The following PPFIA1 variants were observed in gnomAD, a reference collection of about 807,000 sequenced individuals.
PPFIA1 encodes liprin-alpha-1.
PPFIA1 carries 25 observed loss-of-function variants against 149.9 expected under a neutral mutation model. That is an observed-to-expected ratio of 0.17 (90% confidence interval 0.12 to 0.23). The LOEUF (loss-of-function observed/expected upper bound fraction) is 0.23. PPFIA1 is among the 10% of genes least tolerant of loss of function. PPFIA1 has a pLI of 1.00. For missense variants in PPFIA1, 1,362 were observed against 1,506.5 expected, an observed-to-expected ratio of 0.90 and a Z score of 1.59; for synonymous variants, 549 against 552.8, an observed-to-expected ratio of 0.99 and a Z score of 0.10.
intron 2 of PPFIA1, among the ~76,000 whole-genome samples, chr11:70,293,179 T>C (rs2051651231): frequency 6.6e-6 from 1 of 152,278 alleles, no homozygotes; most frequent in African/African-American, 2.4e-5. Flanking sequence ...AACGGTTACC[T>C]ACCTGTTCTT....
At chr11:70,300,142 A>G (rs1354124936) in intron 2 of PPFIA1, among the ~76,000 whole-genome samples, 1 of 128,462 alleles carries the variant, frequency 7.8e-6, no homozygotes, top group Non-Finnish European at 1.6e-5. Context: ...CATCACTGCC[A>G]GCCATGCCCT....
intron 2 of PPFIA1, chr11:70,279,050 G>A: frequency 1.9e-6 from 1 of 521,882 alleles, no homozygotes; most frequent in Non-Finnish European, 3.6e-6. Context: ...AGTAATGAGG[G>A]GTAGTATGCT....
intron 7 of PPFIA1, 29 bp from the exon 8 acceptor site, chr11:70,330,144 T>A (rs1565403067): frequency 6.5e-7 from 1 of 1,547,160 alleles, no homozygotes; most frequent in Non-Finnish European, 8.7e-7. Flanking sequence ...TTACCTACTT[T>A]TTTGTCCCCT....
intron 2 of PPFIA1, among the ~76,000 whole-genome samples, chr11:70,301,282 C>G (rs1473365193): frequency 6.6e-6 from 1 of 152,204 alleles, no homozygotes; most frequent in Non-Finnish European, 1.5e-5. Flanking sequence ...AGGCATGTCT[C>G]TGCAAACCAC....
rs188891741 is a variant in PPFIA1 at position 70,360,150 on chromosome 11, C to T, written c.2583-1945C>T. On this transcript the variant is annotated intron_variant, in intron 19 of 27. Coordinates refer to ENST00000253925, the MANE Select transcript of PPFIA1 (RefSeq NM_003626.5). The stretch of plus-strand genomic sequence containing the variant: ...AACTTCCTGTGACTCTTAGACACAT[C>T]CGTCTACCTCCACTGTCTTAACACT... 9.7e-4 allele frequency among the ~76,000 whole-genome samples: 148 copies of T among 152,380 alleles called. 1 individual carries two copies. The highest frequency in any genetic ancestry group is 3.5e-3 in the African/African-American group (146 of 41,600).
chr11:70,315,440 G>A (rs1360959979), intron 2 of PPFIA1, among the ~76,000 whole-genome samples: 3 of 151,984 alleles, frequency 2.0e-5, no homozygotes, highest in Admixed American at 1.3e-4. Flanking sequence ...ACTTTTAATC[G>A]TGGCACCAGG....
At position 70,373,173 on chromosome 11, in the gene PPFIA1, T is replaced by C. The variant is rs574870253; in HGVS notation, c.3139+599T>C. 7.2e-5 allele frequency among the ~76,000 whole-genome samples: 11 copies of C among 152,304 alleles called. No homozygotes were observed. The South Asian group carries it at 8.3e-4, about 11-fold the overall frequency. On this transcript the variant is annotated intron_variant, in intron 23 of 27. Coordinates refer to ENST00000253925, the MANE Select transcript of PPFIA1 (RefSeq NM_003626.5). Reference sequence around the variant, plus strand: ...GACGTGGAGTTGGTTCTCTTCTCCGTTGGGGAGTCCCTCACTCGTACTCAA... The same window carrying C: ...GACGTGGAGTTGGTTCTCTTCTCCGCTGGGGAGTCCCTCACTCGTACTCAA...
chr11:70,329,684 C>T (rs1423895857), intron 7 of PPFIA1, among the ~76,000 whole-genome samples: 1 of 152,108 alleles, frequency 6.6e-6, no homozygotes, highest in Non-Finnish European at 1.5e-5. Context: ...CTTTGGGAGG[C>T]CAAAGGAAGG....
At chr11:70,322,584 T>C (rs535179110) in intron 2 of PPFIA1, among the ~76,000 whole-genome samples, 42 of 152,318 alleles carry the variant, frequency 2.8e-4, no homozygotes, top group Middle Eastern at 3.4e-3. Flanking sequence ...TGATCTTCAT[T>C]AGTATTGTTG....
intron 2 of PPFIA1, among the ~76,000 whole-genome samples, chr11:70,277,642 C>T (rs2050492673): frequency 6.6e-6 from 1 of 152,128 alleles, no homozygotes; most frequent in African/African-American, 2.4e-5. Context: ...AGGCATATGC[C>T]ACCACATCCG....
chr11:70,351,100 T>C (rs1352002664), intron 16 of PPFIA1: 1 of 751,380 alleles, frequency 1.3e-6, no homozygotes, highest in Non-Finnish European at 1.8e-6. Context: ...TTTCCATAAA[T>C]GTAGCATTAT....
rs376726561 is a variant in PPFIA1, at chr11:70,331,111, A to G, written c.1077+792A>G. Among the ~76,000 whole-genome samples, 416 of 151,696 alleles carry G rather than the reference A, an allele frequency of 2.7e-3. 3 individuals carry two copies. The highest frequency in any genetic ancestry group is 9.5e-3 in the African/African-American group (394 of 41,322). On this transcript the variant is annotated intron_variant, in intron 8 of 27. Transcript: ENST00000253925. ...GCTGGGCTTGGTGGCGCGCATCTGT[A>G]ATCCCAGCTGCTACTCAGGAGGCTG...
At chr11:70,343,943 A>T in intron 15 of PPFIA1, 51 bp downstream of exon 15, 1 of 1,492,966 alleles carries the variant, frequency 6.7e-7, no homozygotes, top group Non-Finnish European at 9.2e-7. Context: ...GTCTCTGAGG[A>T]ATCTCATCTT....
chr11:70,331,833 C>T (rs2054686022), intron 8 of PPFIA1, 127 bp from the exon 9 acceptor site: 2 of 1,043,040 alleles, frequency 1.9e-6, no homozygotes, highest in African/African-American at 1.7e-5. Context: ...AGAAGCAACT[C>T]CCATCACTGT....
rs2054298999 is a variant in PPFIA1, at chr11:70,326,564, G to A, written c.709-33G>A. 2.0e-6 allele frequency: 3 copies of A among 1,522,224 alleles called. No individual in the cohort carries two copies. The South Asian group carries it at 3.5e-5, about 18-fold the overall frequency. The allele number at this position is 1,522,224 out of a possible 1,614,324, so 94.3% of individuals were successfully genotyped here. ...TTTTATTTTATAGCTCACCAAACAAGGGTATTTAAGGATTTTTTTTTCCCC... is the reference window on the plus strand; with the variant it reads ...TTTTATTTTATAGCTCACCAAACAAAGGTATTTAAGGATTTTTTTTTCCCC... On this transcript the variant is annotated intron_variant, in intron 6 of 27. Transcript: ENST00000253925.
chr11:70,292,636 G>C (rs1382906074), intron 2 of PPFIA1, among the ~76,000 whole-genome samples: 1 of 152,206 alleles, frequency 6.6e-6, no homozygotes, highest in East Asian at 1.9e-4. Flanking sequence ...AGATCATAGT[G>C]AATGTTTATT....
intron 2 of PPFIA1, among the ~76,000 whole-genome samples, chr11:70,322,106 C>T (rs749510143): frequency 3.3e-5 from 5 of 152,270 alleles, no homozygotes; most frequent in Admixed American, 1.3e-4. Context: ...CTCGAACTCC[C>T]GACCTCAGGT....
chr11:70,377,691 A>T (rs2057542889), intron 25 of PPFIA1, among the ~76,000 whole-genome samples: 1 of 152,206 alleles, frequency 6.6e-6, no homozygotes, highest in African/African-American at 2.4e-5. Flanking sequence ...ATGAAAAATA[A>T]ACTATTTTTA....
intron 27 of PPFIA1, 71 bp downstream of exon 27, chr11:70,382,229 C>G (rs950573645): frequency 2.4e-6 from 3 of 1,226,922 alleles, no homozygotes; most frequent in African/African-American, 3.0e-5. Context: ...GCTGCAGTGC[C>G]AGACTAGGGG....
Sources: gnomAD v4.1 joint callset for allele counts (sites outside exome capture counted in the v4.1 genomes callset) on GRCh38, gnomAD v4.1.1 for gene constraint, MANE v1.5 for transcripts, NCBI Gene and HGNC (gene_info 2026-07-23, HGNC 2026-07-21) for gene names.